FBXL7: variants seen among roughly 807,000 people sequenced by gnomAD.
The protein encoded by FBXL7 is F-box/LRR-repeat protein 7.
In FBXL7, 12 loss-of-function variants were observed where a neutral mutation model predicts 38.3. The observed-to-expected ratio is 0.31, with a 90% confidence interval of 0.20 to 0.51. The LOEUF (loss-of-function observed/expected upper bound fraction) is 0.51. FBXL7 is among the 20% of genes least tolerant of loss of function. FBXL7 has a pLI of 0.98. For missense variants in FBXL7, 567 were observed against 676.4 expected, an observed-to-expected ratio of 0.84 and a Z score of 1.79; for synonymous variants, 297 against 300.9, an observed-to-expected ratio of 0.99 and a Z score of 0.13.
At chr5:15,914,114 T>C (rs1741518049) in intron 2 of FBXL7, among the ~76,000 whole-genome samples, 3 of 151,966 alleles carry the variant, frequency 2.0e-5, no homozygotes, top group East Asian at 1.9e-4. Context: ...CGGGCGGGCG[T>C]GGTGGCTCAC....
intron 1 of FBXL7, among the ~76,000 whole-genome samples, chr5:15,614,560 G>C (rs1740379407): frequency 6.6e-6 from 1 of 152,162 alleles, no homozygotes; most frequent in Admixed American, 6.6e-5. Context: ...ACAAGCCACC[G>C]CGCCCATCCA....
chr5:15,765,867 C>G (rs983865147), intron 2 of FBXL7, among the ~76,000 whole-genome samples: 3 of 152,188 alleles, frequency 2.0e-5, no homozygotes, highest in Middle Eastern at 3.4e-3. Context: ...ATATCTGTAC[C>G]CTGCTCTCCA....
At chr5:15,754,768 G>A (rs768066217) in intron 2 of FBXL7, among the ~76,000 whole-genome samples, 10 of 152,136 alleles carry the variant, frequency 6.6e-5, no homozygotes, top group Non-Finnish European at 1.3e-4. Context: ...AACAGTGGTG[G>A]CATTTTTCTT....
intron 1 of FBXL7, among the ~76,000 whole-genome samples, chr5:15,571,814 CG>C (rs1738796834): frequency 6.6e-6 from 1 of 151,990 alleles, no homozygotes; most frequent in Admixed American, 6.6e-5. Flanking sequence ...TCAGCCGTGC[CG>C]TCGCAGATGC....
intron 2 of FBXL7, 26 bp downstream of exon 2, chr5:15,616,098 T>A (rs1364980238): frequency 6.7e-7 from 1 of 1,501,566 alleles, no homozygotes; most frequent in South Asian, 1.1e-5. Flanking sequence ...TCATTATCTC[T>A]CTTTCTTCTT....
intron 3 of FBXL7, among the ~76,000 whole-genome samples, chr5:15,934,149 C>T (rs1459007067): frequency 1.3e-5 from 2 of 152,108 alleles, no homozygotes; most frequent in African/African-American, 2.4e-5. Context: ...GGATTACAGG[C>T]ATGCACCACC....
rs533488629 is a variant in FBXL7, at chr5:15,689,116, G to A, written c.127+73044G>A. Among the ~76,000 whole-genome samples the A allele has an allele frequency of 1.2e-4, 19 of 152,280 alleles. No individual in the cohort carries two copies. In the South Asian group the frequency reaches 2.1e-3, roughly 17 times the overall value. On this transcript the variant is annotated intron_variant, in intron 2 of 3. Coordinates refer to ENST00000504595, the MANE Select transcript of FBXL7 (RefSeq NM_012304.5). ...CCTAGCGGGAACTCCAACGGTGCAC[G>A]TCATGGGCAATGCGACAGCTCCTAT... is the stretch of plus-strand genomic sequence containing the variant.
intron 2 of FBXL7, among the ~76,000 whole-genome samples, chr5:15,722,018 A>G (rs1186336581): frequency 6.6e-6 from 1 of 152,080 alleles, no homozygotes; most frequent in Non-Finnish European, 1.5e-5. Context: ...TATTTGTAGT[A>G]GAGACGGGGT....
chr5:15,651,136 G>A (rs905685989), intron 2 of FBXL7, among the ~76,000 whole-genome samples: 4 of 126,762 alleles, frequency 3.2e-5, no homozygotes, highest in African/African-American at 6.1e-5. Flanking sequence ...TTGCTCTGTT[G>A]CCCAGGCTGG....
intron 1 of FBXL7, among the ~76,000 whole-genome samples, chr5:15,519,831 C>T (rs1356224761): frequency 6.6e-6 from 1 of 152,114 alleles, no homozygotes; most frequent in East Asian, 1.9e-4. Context: ...GGAAAGGAGT[C>T]CAGATCCAGA....
At chr5:15,627,540 A>G (rs775854620) in intron 2 of FBXL7, among the ~76,000 whole-genome samples, 2 of 152,208 alleles carry the variant, frequency 1.3e-5, no homozygotes, top group Non-Finnish European at 2.9e-5. Context: ...TAACTAAAAC[A>G]TGGGGTTACA....
chr5:15,598,756 TA>T lies in FBXL7; in HGVS notation c.38-17226del, dbSNP rs1224369261. On this transcript the variant is annotated intron_variant, in intron 1 of 3. Transcript: ENST00000504595. ...TTACCAATGAATAACTTTGATCATT[TA>T]TCTGCCCCTCACTCCCCCTCCTTGT... Among the ~76,000 whole-genome samples, 7 of 152,314 alleles carry T rather than the reference TA, an allele frequency of 4.6e-5. No individual in the cohort carries two copies. In the East Asian group the frequency reaches 1.2e-3, roughly 25 times the overall value.
intron 2 of FBXL7, among the ~76,000 whole-genome samples, chr5:15,823,662 C>T (rs568321174): frequency 7.9e-5 from 12 of 152,132 alleles, no homozygotes; most frequent in African/African-American, 2.9e-4. Flanking sequence ...GCTCAGTTAA[C>T]CCAGACCTGC....
chr5:15,722,600 T>A lies in FBXL7; in HGVS notation c.127+106528T>A, dbSNP rs191555467. 2.0e-4 allele frequency among the ~76,000 whole-genome samples: 31 copies of A among 152,218 alleles called. No individual in the cohort carries two copies. The East Asian group carries it at 6.0e-3, about 29-fold the overall frequency. On this transcript the variant is annotated intron_variant, in intron 2 of 3. Coordinates refer to ENST00000504595, the MANE Select transcript of FBXL7 (RefSeq NM_012304.5). ...TCCTGCTCATATGCACTAGGAGAAA[T>A]TCATAGAAATGTTCATACCAGCATT...
chr5:15,902,159 G>T (rs1382848908), intron 2 of FBXL7, among the ~76,000 whole-genome samples: 1 of 152,120 alleles, frequency 6.6e-6, no homozygotes, highest in African/African-American at 2.4e-5. Context: ...TATATTGGTT[G>T]TCTTGCTTCC....
chr5:15,921,380 C>A (rs1471614185), intron 2 of FBXL7, among the ~76,000 whole-genome samples: 8 of 124,670 alleles, frequency 6.4e-5, no homozygotes, highest in South Asian at 2.7e-4. Context: ...GACTCCATCT[C>A]AAAAAAAAAA....
intron 2 of FBXL7, among the ~76,000 whole-genome samples, chr5:15,766,384 A>C (rs1485824013): frequency 6.6e-6 from 1 of 152,186 alleles, no homozygotes; most frequent in African/African-American, 2.4e-5. Context: ...AGTATGTCTT[A>C]ATTTTTGTAT....
At chr5:15,547,931 G>T (rs1159815086) in intron 1 of FBXL7, among the ~76,000 whole-genome samples, 4 of 152,182 alleles carry the variant, frequency 2.6e-5, no homozygotes, top group Non-Finnish European at 5.9e-5. Flanking sequence ...TGCAGGCATG[G>T]TTAGTTTCCT....
At chr5:15,759,537 C>T (rs1736387108) in intron 2 of FBXL7, among the ~76,000 whole-genome samples, 1 of 152,096 alleles carries the variant, frequency 6.6e-6, no homozygotes, top group Non-Finnish European at 1.5e-5. Flanking sequence ...AACAATCACT[C>T]ACTGAAATTA....
Sources: gnomAD v4.1 joint callset for allele counts (sites outside exome capture counted in the v4.1 genomes callset) on GRCh38, gnomAD v4.1.1 for gene constraint, MANE v1.5 for transcripts, NCBI Gene and HGNC (gene_info 2026-07-23, HGNC 2026-07-21) for gene names.